Variants in APOL1 observed in about 807,000 individuals in gnomAD.
APOL1 encodes apolipoprotein L1.
Under a neutral mutation model 14.9 loss-of-function variants are expected in APOL1, and 17 were observed. The observed-to-expected ratio is 1.14, with a 90% CI of 0.78 to 1.71. The LOEUF is 1.71. Among genes scored for constraint, APOL1 ranks in the 40% most tolerant of loss-of-function variants. The probability of loss-of-function intolerance (pLI) is 0.00; values close to 1 mark genes in which losing one functional copy is unlikely to be tolerated. For synonymous variants in APOL1, 195 were observed against 184.8 expected, an observed-to-expected ratio of 1.05 and a Z score of -0.45; for missense variants, 523 against 485.9, an observed-to-expected ratio of 1.08 and a Z score of -0.72.
intron 2 of APOL1, among the ~76,000 whole-genome samples, chr22:36,256,238 G>A (rs532651751): frequency 1.4e-4 from 22 of 152,240 alleles, no homozygotes; most frequent in African/African-American, 4.8e-4. Context: ...GAAAGAAAGG[G>A]CATCTTCATA....
At chr22:36,260,024 T>G in intron 4 of APOL1, 1 of 982,734 alleles carries the variant, frequency 1.0e-6, no homozygotes, top group Non-Finnish European at 1.3e-6. Flanking sequence ...GGCCTTGGAG[T>G]CAAATCCTGA....
chr22:36,256,586 G>A (rs1241197706), intron 2 of APOL1, among the ~76,000 whole-genome samples: 1 of 152,170 alleles, frequency 6.6e-6, no homozygotes, highest in African/African-American at 2.4e-5. Flanking sequence ...GAGAAGCAAC[G>A]GGGACACAGG....
In APOL1 at chr22:36,258,702, T is replaced by C. The variant is rs550193208; in HGVS notation, c.187+1295T>C. Among the ~76,000 whole-genome samples the C allele has an allele frequency of 1.4e-4, 22 of 152,260 alleles. No individual in the cohort carries two copies. The South Asian group carries it at 3.3e-3, about 23-fold the overall frequency. On this transcript the variant is annotated intron_variant, in intron 4 of 5. Coordinates refer to ENST00000397278, the MANE Select transcript of APOL1 (RefSeq NM_003661.4). ...TGGAGTTTGGGGTTCTTGTCTTTGC[T>C]GGTTTATTAAATTAAGGTGTGGAGT...
chr22:36,257,093 C>A lies in APOL1; in HGVS notation c.55C>A (p.Leu19Ile). Residue 19 changes from leucine to isoleucine, a missense_variant, in exon 3 of 6, where the codon CTT (leucine) becomes ATT (isoleucine). By Grantham distance (5) the Leu-to-Ile change is conservative. Transcript: ENST00000397278. ...VSVLCIWMSA[L>I]FLGVGVRAEE... ...CTCATACCCCAACAGGATGAGTGCA[C>A]TTTTCCTTGGTGTGGGAGTGAGGGC... is the stretch of plus-strand genomic sequence containing the variant. 6.2e-7 allele frequency: 1 copy of A among 1,614,188 alleles called. No homozygotes were observed. The highest frequency in any genetic ancestry group is 8.5e-7 in the Non-Finnish European group (1 of 1,180,028).
intron 4 of APOL1, chr22:36,257,701 G>A (rs569160235): frequency 9.7e-6 from 3 of 308,434 alleles, no homozygotes; most frequent in Non-Finnish European, 1.9e-5. Context: ...ATCAGCGGGG[G>A]GGGGGGGGAG....
chr22:36,265,075 T>C (rs1314637189), intron 5 of APOL1, 76 bp from the exon 6 acceptor site: 1 of 1,565,800 alleles, frequency 6.4e-7, no homozygotes, highest in South Asian at 1.2e-5. Flanking sequence ...CCTCCCAAAG[T>C]GCTGGGATTA....
chr22:36,264,773 A>G (rs987490828), intron 5 of APOL1, among the ~76,000 whole-genome samples: 8 of 151,748 alleles, frequency 5.3e-5, no homozygotes, highest in South Asian at 2.1e-4. Flanking sequence ...GATAGAGATC[A>G]CATGGAGCTC....
intron 2 of APOL1, 42 bp downstream of exon 2, chr22:36,255,041 C>T: frequency 5.7e-6 from 9 of 1,584,522 alleles, no homozygotes; most frequent in Non-Finnish European, 7.8e-6. Flanking sequence ...GGAGGGCTCC[C>T]TGTCTGGGCT....
In APOL1 at chr22:36,261,680, A is replaced by G. The variant is rs751841122; in HGVS notation, c.272A>G (p.Asn91Ser). Reference sequence around the variant, plus strand: ...AATCTGCTACTCCTGCTGACTGATAATGAGGCCTGGAACGGATTCGTGGCT... The same window carrying G: ...AATCTGCTACTCCTGCTGACTGATAGTGAGGCCTGGAACGGATTCGTGGCT... ...TQNLLLLLTD[N>S]EAWNGFVAAA... The change falls in exon 5 of 6, where the codon AAT (asparagine) becomes AGT (serine). Residue 91 changes from asparagine to serine, a missense_variant. Asn to Ser is a conservative substitution (Grantham distance 46). Coordinates refer to ENST00000397278, the MANE Select transcript of APOL1 (RefSeq NM_003661.4). The G allele has an allele frequency of 1.2e-6, 2 of 1,614,118 alleles. No homozygotes were observed. Among genetic ancestry groups the G allele is most frequent in the Non-Finnish European group, 1.7e-6 (2 of 1,179,988 alleles).
chr22:36,265,262 A>G lies in APOL1; in HGVS notation c.426A>G (p.Lys142=), dbSNP rs1386766375. 1.9e-6 allele frequency: 3 copies of G among 1,613,494 alleles called. No homozygotes were observed. ...AGCAGTACAGAAACTGGTTTCTGAA[A>G]GAGTTTCCTCGGTTGAAAAGTGAGC... The part of the protein sequence containing the change: ...KGQQYRNWFL[K]EFPRLKSELE... The change falls in exon 6 of 6, where the codon AAA becomes AAG. Residue 142 remains lysine (K), a synonymous_variant. Coordinates refer to ENST00000397278, the MANE Select transcript of APOL1 (RefSeq NM_003661.4).
chr22:36,259,322 A>C (rs1374139871), intron 4 of APOL1, among the ~76,000 whole-genome samples: 1 of 152,202 alleles, frequency 6.6e-6, no homozygotes, highest in Non-Finnish European at 1.5e-5. Context: ...GGTTCCTTCC[A>C]TCCAAACCTG....
At chr22:36,256,259 T>A (rs889325476) in intron 2 of APOL1, among the ~76,000 whole-genome samples, 3 of 152,214 alleles carry the variant, frequency 2.0e-5, no homozygotes, top group African/African-American at 7.2e-5. Flanking sequence ...TACTGCTAGT[T>A]TGAGTGTGAA....
rs765023392 is a variant in APOL1, at chr22:36,257,394, C to T, written c.174C>T (p.Gly58=). 2.5e-6 allele frequency: 4 copies of T among 1,613,916 alleles called. No individual in the cohort carries two copies. In the African/African-American group the frequency reaches 4.0e-5, roughly 16 times the overall value. The change falls in exon 4 of 6, where the codon GGC becomes GGT. Residue 58 remains glycine, a synonymous_variant. Coordinates refer to ENST00000397278, the MANE Select transcript of APOL1 (RefSeq NM_003661.4). ...AGCCCCTCGGTGACTGGGCTGCTGG[C>T]ACCATGGACCCAGGTAGGCTCACCT... The part of the protein sequence containing the change: ...QSKPLGDWAA[G]TMDPESSIFI...
At position 36,265,705 on chromosome 22, in the gene APOL1, G is replaced by A. The variant is rs778126562; in HGVS notation, c.869G>A (p.Arg290Lys). The A allele has an allele frequency of 1.9e-6, 3 of 1,612,442 alleles. No homozygotes were observed. Among genetic ancestry groups the A allele is most frequent in the African/African-American group, 2.7e-5 (2 of 74,914 alleles). The change falls in exon 6 of 6, where the codon AGA becomes AAA. Residue 290 changes from arginine (R) to lysine (K), a missense_variant. Transcript: ENST00000397278. ...GKDIRALRRA[R>K]ANLQSVPHAS... ...GACATCCGTGCCCTCAGACGAGCCAGAGCCAATCTTCAGTCAGTACCGCAT... is the reference window on the plus strand; with the variant it reads ...GACATCCGTGCCCTCAGACGAGCCAAAGCCAATCTTCAGTCAGTACCGCAT...
chr22:36,258,629 C>T (rs1275231360), intron 4 of APOL1, among the ~76,000 whole-genome samples: 1 of 152,118 alleles, frequency 6.6e-6, no homozygotes, highest in Non-Finnish European at 1.5e-5. Context: ...GAAGTGCAGG[C>T]TCAGGGGTGG....
chr22:36,255,215 C>T (rs372454629), intron 2 of APOL1, among the ~76,000 whole-genome samples: 3 of 152,356 alleles, frequency 2.0e-5, no homozygotes, highest in East Asian at 1.9e-4. Context: ...TCAGCAGAGG[C>T]TCCAGGTCAG....
chr22:36,257,954 C>T (rs940784114), intron 4 of APOL1, among the ~76,000 whole-genome samples: 1 of 152,204 alleles, frequency 6.6e-6, no homozygotes, highest in African/African-American at 2.4e-5. Context: ...TGCCACATCC[C>T]CTCTGTGTGA....
intron 1 of APOL1, 40 bp from the exon 2 acceptor site, chr22:36,254,897 G>A (rs748073923): frequency 3.1e-6 from 5 of 1,611,946 alleles, no homozygotes; most frequent in Non-Finnish European, 2.5e-6. Context: ...TGATTTCTCA[G>A]GAGGAGCACA....
rs762537298 is a variant in APOL1 at position 36,265,666 on chromosome 22, G to A, written c.830G>A (p.Arg277Gln). 2 of 1,602,120 alleles carry A rather than the reference G, an allele frequency of 1.2e-6. No individual in the cohort carries two copies. Among genetic ancestry groups the A allele is most frequent in the Non-Finnish European group, 1.7e-6 (2 of 1,173,538 alleles). Residue 277 changes from arginine to glutamine, a missense_variant, in exon 6 of 6, where the codon CGA (arginine) becomes CAA (glutamine). Physicochemically the swap from Arg to Gln is conservative, Grantham distance 43. Transcript: ENST00000397278. Reference sequence around the variant, plus strand: ...GCTGGCAATACTTACCAACTCACACGAGGCATTGGGAAGGACATCCGTGCC... The same window carrying A: ...GCTGGCAATACTTACCAACTCACACAAGGCATTGGGAAGGACATCCGTGCC... ...SLAGNTYQLTRGIGKDIRALR... is the reference protein window; with the variant it reads ...SLAGNTYQLTQGIGKDIRALR...
Sources: allele counts gnomAD v4.1 joint callset (sites outside exome capture counted in the v4.1 genomes callset), GRCh38; gene constraint gnomAD v4.1.1; transcripts MANE v1.5; gene names NCBI Gene and HGNC (gene_info 2026-07-23, HGNC 2026-07-21).